The following ATRNL1 variants were observed in gnomAD, a reference collection of about 807,000 sequenced individuals.
The protein encoded by ATRNL1 is attractin like 1.
Under a neutral mutation model 182.7 loss-of-function variants are expected in ATRNL1, and 95 were observed. The observed-to-expected ratio is 0.52, with a 90% confidence interval of 0.44 to 0.62. The LOEUF is 0.62. Among genes scored for constraint, ATRNL1 ranks in the 20% least tolerant of loss-of-function variants. The pLI is 0.00. For missense variants in ATRNL1, 1,471 were observed against 1,679.5 expected (o/e 0.88, Z 2.17); for synonymous variants, 576 against 568.3 (o/e 1.01, Z -0.19).
At chr10:115,659,546 T>G (rs1420806251) in intron 26 of ATRNL1, among the ~76,000 whole-genome samples, 10 of 152,126 alleles carry the variant, frequency 6.6e-5, no homozygotes, top group Admixed American at 6.6e-4. Context: ...TATTTAATGT[T>G]ATTTAATGTA....
intron 10 of ATRNL1, among the ~76,000 whole-genome samples, chr10:115,261,254 T>G (rs1379001805): frequency 1.3e-5 from 2 of 152,092 alleles, no homozygotes; most frequent in Non-Finnish European, 2.9e-5. Context: ...ACTAAAAGTG[T>G]TAGAGTGAAA....
intron 26 of ATRNL1, among the ~76,000 whole-genome samples, chr10:115,573,967 C>T (rs1487728628): frequency 1.3e-5 from 2 of 151,956 alleles, no homozygotes; most frequent in Non-Finnish European, 2.9e-5. Flanking sequence ...CTTCTGTGTC[C>T]GATTGTAGGA....
At chr10:115,403,457 T>A (rs1465110954) in intron 20 of ATRNL1, among the ~76,000 whole-genome samples, 1 of 151,616 alleles carries the variant, frequency 6.6e-6, no homozygotes, top group Non-Finnish European at 1.5e-5. Flanking sequence ...GACACTAACT[T>A]TTTTTTTGTT....
chr10:115,587,344 G>A (rs1245235267), intron 26 of ATRNL1, among the ~76,000 whole-genome samples: 3 of 152,122 alleles, frequency 2.0e-5, no homozygotes, highest in East Asian at 1.9e-4. Context: ...AATGGCGGGC[G>A]CCCCTCCCCC....
At chr10:115,366,473 AT>A (rs1564960091) in intron 19 of ATRNL1, among the ~76,000 whole-genome samples, 1 of 151,984 alleles carries the variant, frequency 6.6e-6, no homozygotes, top group Non-Finnish European at 1.5e-5. Context: ...TCTTTATCCA[AT>A]TTGCCAGTCT....
chr10:115,767,879 C>G (rs1240515721), intron 27 of ATRNL1, among the ~76,000 whole-genome samples: 2 of 152,056 alleles, frequency 1.3e-5, no homozygotes, highest in East Asian at 3.9e-4. Flanking sequence ...AATATAATCC[C>G]AGGATCATGA....
chr10:115,162,847 G>A (rs558708836), intron 6 of ATRNL1, among the ~76,000 whole-genome samples: 2 of 151,838 alleles, frequency 1.3e-5, no homozygotes, highest in Non-Finnish European at 2.9e-5. Flanking sequence ...AAGGCATTAT[G>A]TGAGGATTAA....
chr10:115,419,094 T>C (rs1251994032), intron 20 of ATRNL1, among the ~76,000 whole-genome samples: 1 of 152,116 alleles, frequency 6.6e-6, no homozygotes, highest in Non-Finnish European at 1.5e-5. Flanking sequence ...AGATAGACAA[T>C]ATGAAAAATA....
chr10:115,931,546 C>T (rs947849478), intron 28 of ATRNL1, among the ~76,000 whole-genome samples: 2 of 152,182 alleles, frequency 1.3e-5, no homozygotes, highest in African/African-American at 2.4e-5. Context: ...CCAGAGCCTA[C>T]TGCTCAGAAG....
intron 5 of ATRNL1, among the ~76,000 whole-genome samples, chr10:115,148,740 A>G (rs146295132): frequency 0.014 from 1,916 of 139,818 alleles, 42 homozygotes; most frequent in African/African-American, 0.048. Flanking sequence ...TTGAGGCCAG[A>G]TGCGTTTTTT....
chr10:115,617,491 C>T (rs1194361533), intron 26 of ATRNL1, among the ~76,000 whole-genome samples: 2 of 152,132 alleles, frequency 1.3e-5, no homozygotes, highest in Non-Finnish European at 2.9e-5. Context: ...TCCCAAGTAG[C>T]TGGGATTACA....
chr10:115,466,982 A>G (rs187502239), intron 22 of ATRNL1, among the ~76,000 whole-genome samples, 192 bp from the exon 23 acceptor site: 1,582 of 151,174 alleles, frequency 0.01, 20 homozygotes, highest in Non-Finnish European at 0.013. Context: ...GAGGAACTTG[A>G]TATCTACCTT....
chr10:115,747,109 G>T (rs1423485796), intron 27 of ATRNL1, among the ~76,000 whole-genome samples: 1 of 152,050 alleles, frequency 6.6e-6, no homozygotes, highest in Non-Finnish European at 1.5e-5. Context: ...TAGTAGTTGG[G>T]ATTACTTTGA....
chr10:115,175,284 A>G (rs1357158749), intron 8 of ATRNL1, among the ~76,000 whole-genome samples: 1 of 152,040 alleles, frequency 6.6e-6, no homozygotes, highest in Non-Finnish European at 1.5e-5. Context: ...CTTTCCAAGG[A>G]TGGCTAGGAA....
intron 4 of ATRNL1, chr10:115,128,447 AT>A: frequency 1.2e-6 from 1 of 813,034 alleles, no homozygotes; most frequent in Non-Finnish European, 1.5e-6. Context: ...CACCAGAAAT[AT>A]TATAAATATC....
intron 20 of ATRNL1, among the ~76,000 whole-genome samples, chr10:115,421,769 G>T (rs1845660431): frequency 6.6e-6 from 1 of 152,098 alleles, no homozygotes; most frequent in African/African-American, 2.4e-5. Context: ...TAAAGCTGGG[G>T]ATACCATGTT....
chr10:115,444,921 G>C (rs559861916), intron 21 of ATRNL1, among the ~76,000 whole-genome samples: 3 of 150,974 alleles, frequency 2.0e-5, no homozygotes, highest in African/African-American at 7.3e-5. Context: ...AGTAGAGATG[G>C]GGTTTCACCA....
chr10:115,107,918 G>A (rs553014548), intron 1 of ATRNL1, among the ~76,000 whole-genome samples: 2 of 152,226 alleles, frequency 1.3e-5, no homozygotes, highest in East Asian at 3.9e-4. Flanking sequence ...AGGTCCCATA[G>A]ATGCCTTTCT....
chr10:115,268,897 T>C (rs1851720722), intron 13 of ATRNL1, among the ~76,000 whole-genome samples: 1 of 152,216 alleles, frequency 6.6e-6, no homozygotes, highest in Non-Finnish European at 1.5e-5. Context: ...GTTTCTCTTT[T>C]AACTGTCTAT....
Sources: allele counts gnomAD v4.1 joint callset (sites outside exome capture counted in the v4.1 genomes callset), GRCh38; gene constraint gnomAD v4.1.1; transcripts MANE v1.5; gene names NCBI Gene and HGNC (gene_info 2026-07-23, HGNC 2026-07-21).